The following RERE variants were observed in gnomAD, a reference collection of about 807,000 sequenced individuals.
RERE encodes the protein arginine-glutamic acid dipeptide repeats protein.
Under a neutral mutation model 146.1 loss-of-function variants are expected in RERE, and 40 were observed. The ratio of observed to expected loss-of-function variants is 0.27; its 90% CI spans 0.21 to 0.36. The LOEUF is 0.36. Among genes scored for constraint, RERE ranks in the 10% least tolerant of loss-of-function variants. RERE has a pLI of 1.00. For synonymous variants in RERE, 1,003 were observed against 866.0 expected (o/e 1.16, Z -2.78); for missense variants, 1,933 against 2,138.7 (o/e 0.90, Z 1.90).
intron 11 of RERE, among the ~76,000 whole-genome samples, chr1:8,453,020 T>C (rs565908323): frequency 6.6e-6 from 1 of 152,280 alleles, no homozygotes; most frequent in African/African-American, 2.4e-5. Context: ...GAGTGTGGCC[T>C]AAAAGCAAGA....
At position 8,508,658 on chromosome 1, in the gene RERE, T is replaced by C. The variant is rs745466193; in HGVS notation, c.848A>G (p.Gln283Arg). ...NPETRRLNST[Q>R]GEIRVGPSHQ... ...ACTAGGACCGACACGAATCTCCCCC[T>C]GGGTACTGTTCAGCCTCCTGGAACA... The change falls in exon 8 of 23, where the codon CAG becomes CGG. Residue 283 changes from glutamine to arginine, a missense_variant. This residue lies in a region of RERE where 260 missense variants were observed against 378.4 expected (regional missense o/e 0.69). Transcript: ENST00000400908. The C allele has an allele frequency of 6.2e-7, 1 of 1,613,494 alleles. No homozygotes were observed. Among genetic ancestry groups the C allele is most frequent in the Non-Finnish European group, 8.5e-7 (1 of 1,179,430 alleles).
chr1:8,440,568 C>A (rs1238630198), intron 11 of RERE, among the ~76,000 whole-genome samples: 23 of 126,662 alleles, frequency 1.8e-4, no homozygotes, highest in African/African-American at 6.2e-5. Context: ...TCCAGCCTGG[C>A]GACAGAGCGA....
At chr1:8,766,989 CATT>C (rs1640862050) in intron 1 of RERE, among the ~76,000 whole-genome samples, 1 of 152,082 alleles carries the variant, frequency 6.6e-6, no homozygotes, top group Non-Finnish European at 1.5e-5. Flanking sequence ...TCAAAAACTG[CATT>C]ATTTTTCTTT....
At chr1:8,746,502 T>C (rs778108606) in intron 1 of RERE, among the ~76,000 whole-genome samples, 4 of 152,102 alleles carry the variant, frequency 2.6e-5, no homozygotes, top group Non-Finnish European at 5.9e-5. Context: ...TATAATAAAT[T>C]TGAATATCTC....
At chr1:8,776,886 A>ATT (rs879575743) in intron 1 of RERE, among the ~76,000 whole-genome samples, 25 of 143,058 alleles carry the variant, frequency 1.7e-4, no homozygotes, top group African/African-American at 6.4e-4. Flanking sequence ...TGGCCAACTA[A>ATT]TTTTTTTTTT....
chr1:8,442,290 C>G (rs944288775), intron 11 of RERE, among the ~76,000 whole-genome samples: 2 of 149,740 alleles, frequency 1.3e-5, no homozygotes, highest in African/African-American at 4.9e-5. Flanking sequence ...GAGGCTGAAG[C>G]AGAATTGCTG....
At chr1:8,662,346 T>C (rs1051379695) in intron 1 of RERE, among the ~76,000 whole-genome samples, 1 of 152,144 alleles carries the variant, frequency 6.6e-6, no homozygotes, top group African/African-American at 2.4e-5. Flanking sequence ...GCACAAAAAT[T>C]TCAGTCATAC....
intron 1 of RERE, among the ~76,000 whole-genome samples, chr1:8,680,937 G>C (rs1638951288): frequency 6.6e-6 from 1 of 152,100 alleles, no homozygotes; most frequent in Non-Finnish European, 1.5e-5. Flanking sequence ...AGGAATACTT[G>C]CAAAAATAAA....
chr1:8,362,533 G>A lies in RERE; in HGVS notation c.1902+150C>T, dbSNP rs1641624612. The stretch of plus-strand genomic sequence containing the variant: ...CTAGGCCCCCAGCCTTCGGTCTGCA[G>A]CCCCTAGGCCAGGACAATGCTGGTG... On this transcript the variant is annotated intron_variant, in intron 16 of 22. Transcript: ENST00000400908. 5.7e-6 allele frequency: 6 copies of A among 1,057,230 alleles called. No homozygotes were observed. The South Asian group carries it at 9.3e-5, about 16-fold the overall frequency. 65.5% of individuals were successfully genotyped at this position (1,057,230 alleles called of 1,614,324 possible).
chr1:8,762,858 A>T (rs1017427567), intron 1 of RERE, among the ~76,000 whole-genome samples: 1 of 152,208 alleles, frequency 6.6e-6, no homozygotes, highest in Non-Finnish European at 1.5e-5. Context: ...ATAAATGAAG[A>T]CTAGGAGCTC....
chr1:8,523,887 A>C (rs958913140), intron 7 of RERE, among the ~76,000 whole-genome samples: 4 of 152,208 alleles, frequency 2.6e-5, no homozygotes, highest in African/African-American at 9.6e-5. Flanking sequence ...TCCTGTTCAC[A>C]TTTTTATTTG....
At chr1:8,457,157 C>A (rs879811414) in intron 11 of RERE, among the ~76,000 whole-genome samples, 3 of 152,160 alleles carry the variant, frequency 2.0e-5, no homozygotes, top group Non-Finnish European at 4.4e-5. Context: ...AGGAATCATT[C>A]TATCTTCATG....
chr1:8,773,110 G>A (rs1640985878), intron 1 of RERE, among the ~76,000 whole-genome samples: 1 of 152,086 alleles, frequency 6.6e-6, no homozygotes, highest in Admixed American at 6.6e-5. Flanking sequence ...AAAAAAATAA[G>A]TGAATATCTG....
At chr1:8,390,307 C>T (rs958121369) in intron 12 of RERE, among the ~76,000 whole-genome samples, 1 of 152,124 alleles carries the variant, frequency 6.6e-6, no homozygotes, top group African/African-American at 2.4e-5. Context: ...CAGTCGTCAC[C>T]CCACCCCAGG....
chr1:8,364,030 G>A lies in RERE; in HGVS notation c.1740+26C>T. The A allele has an allele frequency of 6.2e-7, 1 of 1,606,854 alleles. No individual in the cohort carries two copies. On this transcript the variant is annotated intron_variant, in intron 15 of 22. Coordinates refer to ENST00000400908, the MANE Select transcript of RERE (RefSeq NM_001042681.2). The surrounding 1 kb of genome is among the most constrained non-coding windows in gnomAD (Gnocchi z 5.1). ...CCCAGGAAACTGAAGAAGTTGCCAG[G>A]AGCCCCATGGCCCCAGGGGACTCAC... is the stretch of plus-strand genomic sequence containing the variant.
At chr1:8,508,491 G>A in intron 8 of RERE, 136 bp downstream of exon 8, 1 of 663,870 alleles carries the variant, frequency 1.5e-6, no homozygotes, top group Non-Finnish European at 2.6e-6. Context: ...GAGGAGGGTG[G>A]AAAAAAAACC....
intron 11 of RERE, among the ~76,000 whole-genome samples, chr1:8,437,037 C>T (rs187328881): frequency 6.6e-6 from 1 of 152,284 alleles, no homozygotes; most frequent in African/African-American, 2.4e-5. Context: ...GAATCATGGG[C>T]AACGATATCA....
At chr1:8,695,128 G>T (rs1291646447) in intron 1 of RERE, among the ~76,000 whole-genome samples, 2 of 152,032 alleles carry the variant, frequency 1.3e-5, no homozygotes. Context: ...TAAACCTACA[G>T]CCATCTGATC....
chr1:8,543,566 C>T (rs1645824361), intron 6 of RERE, among the ~76,000 whole-genome samples: 2 of 152,294 alleles, frequency 1.3e-5, no homozygotes, highest in South Asian at 4.1e-4. Context: ...ACTCTAAACA[C>T]AACCACTAGA....
Sources: allele counts gnomAD v4.1 joint callset (sites outside exome capture counted in the v4.1 genomes callset), GRCh38; gene constraint gnomAD v4.1.1; regional missense constraint gnomAD v4.1.1; non-coding constraint Gnocchi (gnomAD v3.1); transcripts MANE v1.5; gene names NCBI Gene and HGNC (gene_info 2026-07-23, HGNC 2026-07-21).